The following SCIN variants were observed in gnomAD, a reference collection of about 807,000 sequenced individuals.
SCIN encodes scinderin.
A neutral mutation model predicts 91.8 loss-of-function variants in SCIN; 91 were observed. The observed-to-expected ratio is 0.99, with a 90% CI of 0.84 to 1.18. The LOEUF (loss-of-function observed/expected upper bound fraction) is 1.18, where lower values mean the gene tolerates loss of function less well. Ranked by LOEUF, SCIN falls within the 50% of genes most tolerant of loss-of-function variation. The pLI, the probability that SCIN is intolerant of heterozygous loss-of-function variation, is 0.00. For missense variants in SCIN, 1,087 were observed against 863.9 expected, an observed-to-expected ratio of 1.26 and a Z score of -3.24; for synonymous variants, 367 against 312.6, an observed-to-expected ratio of 1.17 and a Z score of -1.84.
At position 12,629,367 on chromosome 7, in the gene SCIN, C is replaced by T. The variant is rs1472628013; in HGVS notation, c.1319+145C>T. The T allele has an allele frequency of 3.9e-6, 3 of 777,238 alleles. No homozygotes were observed. In the South Asian group the frequency reaches 1.0e-4, roughly 27 times the overall value. 48.1% of individuals were successfully genotyped at this position (777,238 alleles called of 1,614,324 possible). A position where few individuals can be genotyped will look rare whatever the true frequency, so the allele number is the denominator to read the frequency against. Reference sequence around the variant, plus strand: ...GCATGCATATAGTATTTTCTTTTTACATGATTTTGACTATGTTTTGCAGTT... The same window carrying T: ...GCATGCATATAGTATTTTCTTTTTATATGATTTTGACTATGTTTTGCAGTT... On this transcript the variant is annotated intron_variant, in intron 9 of 15. Transcript: ENST00000297029.
chr7:12,588,808 T>TGGCGGG (rs1782647130), intron 3 of SCIN: 1 of 7,974 alleles, frequency 1.3e-4, no homozygotes, highest in African/African-American at 1.2e-3. Context: ...CTGCATTGGG[T>TGGCGGG]GGGGGGGGGG....
At chr7:12,649,336 A>G (rs1784031026) in intron 13 of SCIN, 131 bp from the exon 14 acceptor site, 1 of 508,438 alleles carries the variant, frequency 2.0e-6, no homozygotes, top group African/African-American at 1.9e-5. Context: ...TTATTACGTG[A>G]AAAAGAAGAA....
At chr7:12,586,630 C>T (rs971185684) in intron 3 of SCIN, among the ~76,000 whole-genome samples, 1 of 152,102 alleles carries the variant, frequency 6.6e-6, no homozygotes, top group African/African-American at 2.4e-5. Context: ...TACGCATGCC[C>T]CTATGTTTAT....
At chr7:12,624,361 TA>T (rs1340652176) in intron 5 of SCIN, among the ~76,000 whole-genome samples, 1 of 152,236 alleles carries the variant, frequency 6.6e-6, no homozygotes. Flanking sequence ...TAAGACCACT[TA>T]AAAATTTGTT....
intron 4 of SCIN, among the ~76,000 whole-genome samples, chr7:12,613,691 C>T (rs2115261231): frequency 6.6e-6 from 1 of 152,126 alleles, no homozygotes; most frequent in Admixed American, 6.6e-5. Flanking sequence ...GTTATGTTTG[C>T]AGGGGTATCT....
At chr7:12,648,217 A>G (rs1784003705) in intron 13 of SCIN, among the ~76,000 whole-genome samples, 1 of 152,016 alleles carries the variant, frequency 6.6e-6, no homozygotes, top group South Asian at 2.1e-4. Context: ...ACATGCAAAT[A>G]TTATGTTATA....
At chr7:12,578,909 G>GTT in intron 2 of SCIN, among the ~76,000 whole-genome samples, 5 of 85,898 alleles carry the variant, frequency 5.8e-5, no homozygotes, top group Admixed American at 1.1e-4. Context: ...TATAGGACAG[G>GTT]TTTTTTTTTT....
intron 9 of SCIN, among the ~76,000 whole-genome samples, chr7:12,635,162 C>A (rs568334587): frequency 6.6e-6 from 1 of 151,568 alleles, no homozygotes; most frequent in Admixed American, 6.6e-5. Context: ...GAGTGAGACT[C>A]TGTCTCAAAT....
intron 8 of SCIN, 64 bp from the exon 9 acceptor site, chr7:12,629,037 C>T (rs1783588985): frequency 1.5e-6 from 2 of 1,343,508 alleles, no homozygotes; most frequent in Non-Finnish European, 2.0e-6. Context: ...TTATTTAAAG[C>T]TTATGAGAAA....
chr7:12,633,034 G>C (rs957201496), intron 9 of SCIN, among the ~76,000 whole-genome samples: 4 of 152,186 alleles, frequency 2.6e-5, no homozygotes, highest in Non-Finnish European at 4.4e-5. Flanking sequence ...CTTCCATAAA[G>C]ATAGTGAAGA....
At chr7:12,647,718 G>C (rs1380712934) in intron 13 of SCIN, among the ~76,000 whole-genome samples, 1 of 152,130 alleles carries the variant, frequency 6.6e-6, no homozygotes, top group Non-Finnish European at 1.5e-5. Flanking sequence ...CAAATCCTTT[G>C]CCTTCTAAAT....
chr7:12,646,061 T>G (rs1157682558), intron 13 of SCIN, among the ~76,000 whole-genome samples: 2 of 152,220 alleles, frequency 1.3e-5, no homozygotes, highest in Non-Finnish European at 2.9e-5. Context: ...TTATGATCAT[T>G]GGGCAAAAAT....
Position 12,625,129 on chromosome 7 carries a change from T to G in SCIN, c.879T>G (p.Ile293Met), listed in dbSNP as rs1048990336. 3.1e-6 allele frequency: 5 copies of G among 1,609,136 alleles called. No homozygotes were observed. Among genetic ancestry groups the G allele is most frequent in the Non-Finnish European group, 4.2e-6 (5 of 1,177,988 alleles). The change falls in exon 6 of 16, where the codon ATT becomes ATG. Residue 293 changes from isoleucine to methionine, a missense_variant. Coordinates refer to ENST00000297029, the MANE Select transcript of SCIN (RefSeq NM_001112706.3). ...TGGACCACGGGGCTGCCAAACAAATTTTCGTATGGAAAGGTAAAAAATTCC... is the reference window on the plus strand; with the variant it reads ...TGGACCACGGGGCTGCCAAACAAATGTTCGTATGGAAAGGTAAAAAATTCC... Reference protein sequence around the residue: ...FILDHGAAKQIFVWKGKDANP... With the variant: ...FILDHGAAKQMFVWKGKDANP...
chr7:12,631,773 A>G (rs1368724605), intron 9 of SCIN, among the ~76,000 whole-genome samples: 2 of 152,186 alleles, frequency 1.3e-5, no homozygotes, highest in African/African-American at 2.4e-5. Flanking sequence ...ACCCTGTTTC[A>G]GGTATTCTGT....
intron 3 of SCIN, among the ~76,000 whole-genome samples, chr7:12,583,972 A>G (rs1159582219): frequency 6.6e-6 from 1 of 152,156 alleles, no homozygotes; most frequent in South Asian, 2.1e-4. Flanking sequence ...TTGGTTATCA[A>G]TTATATTCTG....
chr7:12,624,688 C>T (rs531114252), intron 5 of SCIN, among the ~76,000 whole-genome samples: 1 of 152,286 alleles, frequency 6.6e-6, no homozygotes, highest in African/African-American at 2.4e-5. Context: ...GAATAGACCT[C>T]AGCCATTATT....
At chr7:12,590,006 C>T (rs994924577) in intron 3 of SCIN, among the ~76,000 whole-genome samples, 24 of 152,218 alleles carry the variant, frequency 1.6e-4, no homozygotes, top group African/African-American at 5.8e-4. Context: ...TTTGCCCTTT[C>T]GACTTTTCCG....
intron 10 of SCIN, among the ~76,000 whole-genome samples, chr7:12,636,788 G>A (rs569463904): frequency 2.6e-5 from 4 of 151,990 alleles, no homozygotes; most frequent in African/African-American, 4.8e-5. Context: ...CGAGGATATC[G>A]AACATTCCCA....
rs777968438 is a variant in SCIN, at chr7:12,649,579, A to G, written c.1959+35A>G. On this transcript the variant is annotated intron_variant, in intron 14 of 15. Transcript: ENST00000297029. ...CATTTTGTTCATAAGAAGAGAATGC[A>G]TTTTTGGTTGGGAGATGACAGAACT... is the stretch of plus-strand genomic sequence containing the variant. 4 of 1,468,296 alleles carry G rather than the reference A, an allele frequency of 2.7e-6. No individual in the cohort carries two copies. In the East Asian group the frequency reaches 9.4e-5, roughly 35 times the overall value. The allele number at this position is 1,468,296 out of a possible 1,614,324, so 91.0% of individuals were successfully genotyped here.
Sources: allele counts gnomAD v4.1 joint callset (sites outside exome capture counted in the v4.1 genomes callset), GRCh38; gene constraint gnomAD v4.1.1; transcripts MANE v1.5; gene names NCBI Gene and HGNC (gene_info 2026-07-23, HGNC 2026-07-21).